DOCK8: variants seen among roughly 807,000 people sequenced by gnomAD.
DOCK8 encodes dedicator of cytokinesis protein 8.
Under a neutral mutation model 245.6 loss-of-function variants are expected in DOCK8, and 141 were observed. The ratio of observed to expected loss-of-function variants is 0.57; its 90% confidence interval spans 0.50 to 0.66. DOCK8 has a LOEUF of 0.66. DOCK8 is among the 30% of genes least tolerant of loss of function. The pLI is 0.00. For synonymous variants in DOCK8, 1,168 were observed against 970.2 expected, an observed-to-expected ratio of 1.20 and a Z score of -3.79; for missense variants, 2,965 against 2,603.4, an observed-to-expected ratio of 1.14 and a Z score of -3.02.
At chr9:216,662 A>G (rs922483240) in intron 1 of DOCK8, among the ~76,000 whole-genome samples, 4 of 151,922 alleles carry the variant, frequency 2.6e-5, no homozygotes, top group Non-Finnish European at 5.9e-5. Flanking sequence ...TTCAAGGAGT[A>G]TAGGGAATCA....
intron 1 of DOCK8, among the ~76,000 whole-genome samples, chr9:266,004 G>A (rs1275377321): frequency 2.6e-5 from 4 of 152,120 alleles, no homozygotes; most frequent in African/African-American, 9.7e-5. Flanking sequence ...ATAAAGAAAT[G>A]AGGCAGCATG....
intron 1 of DOCK8, among the ~76,000 whole-genome samples, chr9:242,979 A>C (rs930474634): frequency 2.0e-5 from 3 of 152,270 alleles, no homozygotes; most frequent in South Asian, 2.1e-4. Context: ...TTGGAATATG[A>C]TTTTAAGAGT....
chr9:238,641 C>T (rs955681444), intron 1 of DOCK8, among the ~76,000 whole-genome samples: 5 of 152,028 alleles, frequency 3.3e-5, no homozygotes, highest in Admixed American at 6.6e-5. Context: ...TAAAGGAAAA[C>T]CAATTTTGCC....
At chr9:425,358 C>G (rs1367327724) in intron 33 of DOCK8, among the ~76,000 whole-genome samples, 1 of 151,996 alleles carries the variant, frequency 6.6e-6, no homozygotes, top group Non-Finnish European at 1.5e-5. Flanking sequence ...CGGCGAAACC[C>G]CGTCTCTACT....
At chr9:258,722 C>T (rs556956644) in intron 1 of DOCK8, among the ~76,000 whole-genome samples, 3 of 151,184 alleles carry the variant, frequency 2.0e-5, no homozygotes, top group South Asian at 2.1e-4. Context: ...CTCAGCCTCC[C>T]GAGTATCTGG....
chr9:373,520 T>G (rs1278889457), intron 18 of DOCK8, among the ~76,000 whole-genome samples: 1 of 152,240 alleles, frequency 6.6e-6, no homozygotes, highest in Non-Finnish European at 1.5e-5. Flanking sequence ...ACACTGATAT[T>G]GATTGTTACA....
At chr9:379,138 C>T (rs1286838517) in intron 20 of DOCK8, among the ~76,000 whole-genome samples, 4 of 152,038 alleles carry the variant, frequency 2.6e-5, no homozygotes, top group Non-Finnish European at 4.4e-5. Flanking sequence ...TAAGGGATGT[C>T]GAACTGAGCC....
intron 46 of DOCK8, chr9:454,154 G>C (rs182384188): frequency 2.6e-5 from 4 of 152,342 alleles, no homozygotes; most frequent in East Asian, 3.9e-4. Context: ...ATCTTGTCTT[G>C]ACTATATACG....
chr9:385,473 C>T lies in DOCK8; in HGVS notation c.2779-858C>T, dbSNP rs117557845. ...TTCACTTTAAAAAGGTAAACCTAGT[C>T]CCTTCCTAATAATTTCACTATATGC... On this transcript the variant is annotated intron_variant, in intron 22 of 47. Coordinates refer to ENST00000432829, the MANE Select transcript of DOCK8 (RefSeq NM_203447.4). 6.0e-4 allele frequency among the ~76,000 whole-genome samples: 91 copies of T among 152,278 alleles called. No individual in the cohort carries two copies. In the East Asian group the frequency reaches 0.016, roughly 26 times the overall value.
Position 362,365 on chromosome 9 carries a change from G to A in DOCK8, c.1680-5653G>A, listed in dbSNP as rs1024554156. Reference sequence around the variant, plus strand: ...TATTTGCCAATCTGTTAAAATAATGGCCAACTCAAATGATCAGTAATGATT... The same window carrying A: ...TATTTGCCAATCTGTTAAAATAATGACCAACTCAAATGATCAGTAATGATT... On this transcript the variant is annotated intron_variant, in intron 14 of 47. Transcript: ENST00000432829. Among the ~76,000 whole-genome samples, 12 of 152,074 alleles carry A rather than the reference G, an allele frequency of 7.9e-5. 1 individual carries two copies. The highest frequency in any genetic ancestry group is 6.5e-4 in the Admixed American group (10 of 15,270).
chr9:447,769 G>A (rs1036679195), intron 44 of DOCK8, among the ~76,000 whole-genome samples: 1 of 152,208 alleles, frequency 6.6e-6, no homozygotes, highest in African/African-American at 2.4e-5. Context: ...TCATCAGGCA[G>A]AAGCAGAAAT....
At chr9:286,694 G>C in intron 3 of DOCK8, 58 bp downstream of exon 3, 8 of 1,540,966 alleles carry the variant, frequency 5.2e-6, no homozygotes, top group South Asian at 2.2e-5. Context: ...TTTTCAATAA[G>C]TGGGTAGGGG....
At chr9:214,112 A>T, upstream of DOCK8, 1 of 240,850 alleles carries the variant, frequency 4.2e-6, no homozygotes. Flanking sequence ...TTAGAGCAGC[A>T]CGCCGGCACC....
chr9:235,051 A>G (rs1011035153), intron 1 of DOCK8, among the ~76,000 whole-genome samples: 1 of 150,386 alleles, frequency 6.6e-6, no homozygotes, highest in African/African-American at 2.4e-5. Context: ...GTCTTTGATG[A>G]TGGTGACGTA....
At chr9:405,188 A>C in intron 27 of DOCK8, 115 bp downstream of exon 27, 1 of 1,094,916 alleles carries the variant, frequency 9.1e-7, no homozygotes, top group Non-Finnish European at 1.3e-6. Flanking sequence ...AAAAAATCAA[A>C]CAATTCAAAC....
intron 26 of DOCK8, among the ~76,000 whole-genome samples, chr9:400,210 T>A (rs1385798976): frequency 2.2e-4 from 16 of 72,318 alleles, no homozygotes; most frequent in African/African-American, 4.0e-4. Flanking sequence ...CACCACCACC[T>A]CCACTATCAC....
At chr9:409,740 C>A (rs1177840579) in intron 28 of DOCK8, among the ~76,000 whole-genome samples, 1 of 151,858 alleles carries the variant, frequency 6.6e-6, no homozygotes, top group African/African-American at 2.4e-5. Flanking sequence ...ACTCCCCCCA[C>A]CCCATGACAG....
At chr9:318,731 C>G (rs895805176) in intron 7 of DOCK8, among the ~76,000 whole-genome samples, 1 of 152,248 alleles carries the variant, frequency 6.6e-6, no homozygotes, top group Non-Finnish European at 1.5e-5. Flanking sequence ...GCTTCCTCAT[C>G]TGTCTGGTTG....
intron 7 of DOCK8, among the ~76,000 whole-genome samples, chr9:324,426 A>G (rs1370937274): frequency 6.6e-6 from 1 of 152,136 alleles, no homozygotes; most frequent in Admixed American, 6.5e-5. Flanking sequence ...AAGCCATGGG[A>G]CATCAAGCTG....
Sources: allele counts gnomAD v4.1 joint callset (sites outside exome capture counted in the v4.1 genomes callset), GRCh38; gene constraint gnomAD v4.1.1; transcripts MANE v1.5; gene names NCBI Gene and HGNC (gene_info 2026-07-23, HGNC 2026-07-21).